TTC3: variants seen among roughly 807,000 people sequenced by gnomAD.
TTC3 encodes the protein tetratricopeptide repeat domain 3, also known as E3 ubiquitin-protein ligase TTC3.
A neutral mutation model predicts 249.6 loss-of-function variants in TTC3; 180 were observed. That is an observed-to-expected ratio of 0.72 (90% confidence interval 0.64 to 0.82). TTC3 has a LOEUF of 0.82. Ranked by LOEUF, TTC3 falls within the 40% of genes least tolerant of loss-of-function variation. TTC3 has a pLI of 0.00. For missense variants in TTC3, 2,061 were observed against 2,398.4 expected (o/e 0.86, Z 2.94); for synonymous variants, 717 against 805.0 (o/e 0.89, Z 1.85).
intron 21 of TTC3, among the ~76,000 whole-genome samples, 168 bp downstream of exon 21, chr21:37,144,813 G>C (rs1431406620): frequency 6.6e-6 from 1 of 152,184 alleles, no homozygotes; most frequent in Non-Finnish European, 1.5e-5. Flanking sequence ...AATGTTTTCT[G>C]TGTGCCAGTG....
At chr21:37,087,328 A>G (rs769332677) in exon 2 of TTC3, 12 of 1,613,886 alleles carry the variant, frequency 7.4e-6, no homozygotes, top group Middle Eastern at 1.6e-4. Flanking sequence ...CCTCACGTGG[A>G]TGATTGTGTC....
At chr21:37,164,340 A>AT (rs34114322) in intron 32 of TTC3, 125 bp downstream of exon 32, 29,626 of 687,720 alleles carry the variant, frequency 0.043, no homozygotes, top group East Asian at 0.053. Context: ...TTAATTTAGG[A>AT]TTTTTTTTTT....
chr21:37,186,596 A>G (rs949562037), intron 37 of TTC3, among the ~76,000 whole-genome samples: 8 of 152,058 alleles, frequency 5.3e-5, no homozygotes, highest in Non-Finnish European at 1.2e-4. Flanking sequence ...ACGCACCACC[A>G]TTGTATTTTT....
At chr21:37,097,423 TAAAAC>T (rs2074047334) in intron 10 of TTC3, among the ~76,000 whole-genome samples, 1 of 151,918 alleles carries the variant, frequency 6.6e-6, no homozygotes, top group East Asian at 1.9e-4. Flanking sequence ...ATATTCAAAA[TAAAAC>T]AAACCAGAAA....
At chr21:37,096,393 A>G (rs2073946296) in intron 9 of TTC3, among the ~76,000 whole-genome samples, 188 bp from the exon 10 acceptor site, 1 of 152,234 alleles carries the variant, frequency 6.6e-6, no homozygotes, top group South Asian at 2.1e-4. Context: ...GTTCAAACAA[A>G]GTTACTTATG....
intron 30 of TTC3, among the ~76,000 whole-genome samples, chr21:37,161,283 T>C (rs543708428): frequency 2.0e-5 from 3 of 152,276 alleles, no homozygotes; most frequent in Admixed American, 2.0e-4. Context: ...GGCATTTTTA[T>C]TTTTATTTTT....
At chr21:37,192,262 T>G in intron 41 of TTC3, 49 bp downstream of exon 41, 3 of 1,265,246 alleles carry the variant, frequency 2.4e-6, no homozygotes, top group Non-Finnish European at 3.3e-6. Flanking sequence ...ATTCATTTGT[T>G]AACTGGCCAA....
rs531500498 is a variant in TTC3, at chr21:37,147,885, C to T, written c.2016+282C>T. On this transcript the variant is annotated intron_variant, in intron 22 of 45. Coordinates refer to ENST00000355666, the Ensembl canonical transcript of TTC3. Reference sequence around the variant, plus strand: ...CTGGGATTACAGGCGTGTCCCAGCACGCCCAGCTAATTTTTGCATTTTTAG... The same window carrying T: ...CTGGGATTACAGGCGTGTCCCAGCATGCCCAGCTAATTTTTGCATTTTTAG... 7.9e-5 allele frequency among the ~76,000 whole-genome samples: 12 copies of T among 152,198 alleles called. No homozygotes were observed. The South Asian group carries it at 1.2e-3, about 16-fold the overall frequency.
intron 35 of TTC3, among the ~76,000 whole-genome samples, chr21:37,178,494 T>G (rs899485741): frequency 1.3e-5 from 2 of 152,190 alleles, no homozygotes; most frequent in African/African-American, 4.8e-5. Context: ...GGCCTCCTAA[T>G]GGGTATGGAG....
intron 1 of TTC3, among the ~76,000 whole-genome samples, chr21:37,079,551 T>TA: frequency 1.6e-5 from 2 of 125,582 alleles, no homozygotes; most frequent in Non-Finnish European, 3.3e-5. Flanking sequence ...TTTTTTTTTT[T>TA]AAGATAGAGT....
intron 27 of TTC3, among the ~76,000 whole-genome samples, chr21:37,154,294 T>A (rs868768996): frequency 1.3e-5 from 2 of 152,200 alleles, no homozygotes; most frequent in South Asian, 4.1e-4. Flanking sequence ...GTCTGAATGT[T>A]TAGAAACGTG....
At chr21:37,120,232 G>T (rs2076474976) in intron 11 of TTC3, among the ~76,000 whole-genome samples, 1 of 152,112 alleles carries the variant, frequency 6.6e-6, no homozygotes, top group Non-Finnish European at 1.5e-5. Context: ...ATAGTGAAAA[G>T]ACCTTTTTAT....
chr21:37,129,515 G>A (rs1892723850), intron 16 of TTC3, among the ~76,000 whole-genome samples: 1 of 152,192 alleles, frequency 6.6e-6, no homozygotes, highest in African/African-American at 2.4e-5. Flanking sequence ...TATTTCAGAT[G>A]CCCTTTTGAG....
chr21:37,121,607 A>T (rs1411551354), intron 11 of TTC3, among the ~76,000 whole-genome samples: 1 of 152,128 alleles, frequency 6.6e-6, no homozygotes, highest in African/African-American at 2.4e-5. Flanking sequence ...AGTTATTGTG[A>T]TTATTTGTGT....
At chr21:37,127,261 G>T (rs1198876231) in intron 15 of TTC3, among the ~76,000 whole-genome samples, 1 of 152,122 alleles carries the variant, frequency 6.6e-6, no homozygotes, top group African/African-American at 2.4e-5. Context: ...TTGAGGATTT[G>T]GTTTTCAACA....
intron 1 of TTC3, among the ~76,000 whole-genome samples, chr21:37,074,065 A>C (rs2070448558): frequency 6.6e-6 from 1 of 151,620 alleles, no homozygotes; most frequent in African/African-American, 2.4e-5. Context: ...GTTCGTGCAC[A>C]CCCCTTGCTG....
intron 45 of TTC3, 129 bp from the exon 46 acceptor site, chr21:37,201,311 T>C (rs2085477049): frequency 2.6e-6 from 3 of 1,156,554 alleles, no homozygotes; most frequent in Middle Eastern, 2.8e-4. Context: ...TCCCTGAGTA[T>C]TGGGCAGCTC....
At chr21:37,075,493 C>T (rs1340381103) in intron 1 of TTC3, among the ~76,000 whole-genome samples, 2 of 152,202 alleles carry the variant, frequency 1.3e-5, no homozygotes, top group African/African-American at 2.4e-5. Flanking sequence ...CAGAAGCTCT[C>T]GAAGTGGTTG....
intron 36 of TTC3, among the ~76,000 whole-genome samples, chr21:37,184,120 G>A (rs2083008288): frequency 6.6e-6 from 1 of 152,134 alleles, no homozygotes; most frequent in South Asian, 2.1e-4. Flanking sequence ...GATCAAAGTA[G>A]CTTCACTAGT....
Sources: allele counts gnomAD v4.1 joint callset (sites outside exome capture counted in the v4.1 genomes callset), GRCh38; gene constraint gnomAD v4.1.1; transcripts MANE v1.5; gene names NCBI Gene and HGNC (gene_info 2026-07-23, HGNC 2026-07-21).